The following CHIC2 variants were observed in gnomAD, a reference collection of about 807,000 sequenced individuals.
The protein encoded by CHIC2 is cysteine-rich hydrophobic domain-containing protein 2.
Under a neutral mutation model 25.9 loss-of-function variants are expected in CHIC2, and 14 were observed. The observed-to-expected ratio is 0.54, with a 90% CI of 0.36 to 0.85. CHIC2 has a LOEUF of 0.85. Among genes scored for constraint, CHIC2 ranks in the 40% least tolerant of loss-of-function variants. The probability of loss-of-function intolerance (pLI) is 0.01; values close to 1 mark genes in which losing one functional copy is unlikely to be tolerated. For missense variants in CHIC2, 146 were observed against 202.0 expected (o/e 0.72, Z 1.68); for synonymous variants, 70 against 72.0 (o/e 0.97, Z 0.14).
At chr4:54,077,190 T>C in the CHIC2 span, among the ~76,000 whole-genome samples, 1 of 152,340 alleles carries the variant, frequency 6.6e-6, no homozygotes, top group Middle Eastern at 3.4e-3. Flanking sequence ...GTAGAAGATA[T>C]GCGTTTTCAT....
chr4:54,074,523 C>A, the CHIC2 span, among the ~76,000 whole-genome samples: 1 of 151,536 alleles, frequency 6.6e-6, no homozygotes, highest in South Asian at 2.1e-4. Context: ...TAGGAAGTAC[C>A]CAGCTTCATC....
At chr4:54,055,866 T>C (rs927992445) in intron 1 of CHIC2, among the ~76,000 whole-genome samples, 1 of 152,156 alleles carries the variant, frequency 6.6e-6, no homozygotes, top group Non-Finnish European at 1.5e-5. Flanking sequence ...TGGGATCTAA[T>C]TGAAAGTATA....
chr4:54,068,224 T>C (rs948466007), upstream of CHIC2, among the ~76,000 whole-genome samples: 1 of 152,022 alleles, frequency 6.6e-6, no homozygotes, highest in African/African-American at 2.4e-5. Flanking sequence ...AATGTTTACA[T>C]CCCCCCAAAT....
chr4:54,060,984 T>C (rs1309591740), intron 1 of CHIC2: 4 of 152,124 alleles, frequency 2.6e-5, no homozygotes, highest in Non-Finnish European at 5.9e-5. Flanking sequence ...CTGCACAAGA[T>C]TTCCCCATAT....
At chr4:54,012,782 T>G (rs1715633706) in intron 5 of CHIC2, among the ~76,000 whole-genome samples, 1 of 152,156 alleles carries the variant, frequency 6.6e-6, no homozygotes, top group East Asian at 1.9e-4. Context: ...AAAATCTACA[T>G]TATTTGGTTC....
intron 3 of CHIC2, among the ~76,000 whole-genome samples, chr4:54,016,076 T>C (rs1715729393): frequency 6.6e-6 from 1 of 152,210 alleles, no homozygotes; most frequent in South Asian, 2.1e-4. Flanking sequence ...AGATTAAGAT[T>C]ACTATACAAT....
chr4:54,018,907 T>C (rs1446417070), intron 3 of CHIC2, among the ~76,000 whole-genome samples: 1 of 152,130 alleles, frequency 6.6e-6, no homozygotes, highest in African/African-American at 2.4e-5. Flanking sequence ...CTTAAATCTA[T>C]AATGCATTAA....
intron 3 of CHIC2, among the ~76,000 whole-genome samples, chr4:54,035,812 G>A (rs1716366074): frequency 6.6e-6 from 1 of 152,076 alleles, no homozygotes; most frequent in African/African-American, 2.4e-5. Flanking sequence ...TGGATTTGAG[G>A]CTTTCTAGTG....
chr4:54,049,016 C>A lies in CHIC2; in HGVS notation c.269G>T (p.Cys90Phe), dbSNP rs1282891590. The change falls in exon 3 of 6, where the codon TGC (cysteine) becomes TTC (phenylalanine). Residue 90 changes from cysteine (C) to phenylalanine (F), a missense_variant. By Grantham distance (205) the Cys-to-Phe change is radical. Transcript: ENST00000263921. ...PVNVRWLLCGCLCCCCTLGCS... is the reference protein window; with the variant it reads ...PVNVRWLLCGFLCCCCTLGCS... ...ACCTAATGTGCAGCAGCAACAAAGGCAGCCACAAAGTAGCCAACGTACATT... is the reference window on the plus strand; with the variant it reads ...ACCTAATGTGCAGCAGCAACAAAGGAAGCCACAAAGTAGCCAACGTACATT... The A allele has an allele frequency of 6.2e-7, 1 of 1,609,364 alleles. No homozygotes were observed.
chr4:54,015,061 T>G lies in CHIC2; in HGVS notation c.331-942A>C, dbSNP rs1312246587. 2.6e-5 allele frequency among the ~76,000 whole-genome samples: 4 copies of G among 152,166 alleles called. No individual in the cohort carries two copies. In the South Asian group the frequency reaches 6.2e-4, roughly 24 times the overall value. ...AGGTGAAAAACTGTTAGGATCAAGC[T>G]GGGTTTGAACAGTTTAATGTTACAT... is the stretch of plus-strand genomic sequence containing the variant. On this transcript the variant is annotated intron_variant, in intron 3 of 5. Coordinates refer to ENST00000263921, the MANE Select transcript of CHIC2 (RefSeq NM_012110.4).
upstream of CHIC2, among the ~76,000 whole-genome samples, chr4:54,066,724 C>T: frequency 6.6e-6 from 1 of 151,708 alleles, no homozygotes; most frequent in Non-Finnish European, 1.5e-5. Flanking sequence ...CTCCTCAGCT[C>T]AAGCGATCCT....
chr4:54,013,934 C>G (rs758604007), intron 4 of CHIC2, 38 bp from the exon 5 acceptor site: 1 of 1,606,020 alleles, frequency 6.2e-7, no homozygotes, highest in Non-Finnish European at 8.5e-7. Context: ...AAAATGAGCT[C>G]TATTTTATTG....
upstream of CHIC2, chr4:54,064,793 C>T (rs1321557299): frequency 2.7e-6 from 1 of 365,548 alleles, no homozygotes; most frequent in African/African-American, 2.2e-5. This position sits in a 1 kb window ranked among gnomAD's most constrained non-coding sequence, Gnocchi z 4.2. Context: ...CTTCTACCCG[C>T]AGACGGCGAC....
At chr4:54,053,822 G>A (rs1004511184) in intron 1 of CHIC2, among the ~76,000 whole-genome samples, 6 of 151,812 alleles carry the variant, frequency 4.0e-5, no homozygotes, top group African/African-American at 7.3e-5. Context: ...ACAGAGTCTC[G>A]CTTTGTTGTT....
At chr4:54,073,719 T>C in the CHIC2 span, among the ~76,000 whole-genome samples, 1 of 152,212 alleles carries the variant, frequency 6.6e-6, no homozygotes, top group Non-Finnish European at 1.5e-5. Flanking sequence ...TACCAAGTTT[T>C]GGGGCAATTG....
chr4:54,009,893 T>A lies in CHIC2; in HGVS notation c.*202A>T. 2 of 415,012 alleles carry A rather than the reference T, an allele frequency of 4.8e-6. No homozygotes were observed. The allele number at this position is 415,012 out of a possible 1,614,324, so 25.7% of individuals were successfully genotyped here. A position where few individuals can be genotyped will look rare whatever the true frequency, so the allele number is the denominator to read the frequency against. ...AGCACAATAACTTAAGTATTAAACA[T>A]CTGTATGAAATAACTGTTGCAAAGA... On this transcript the variant is annotated 3_prime_UTR_variant, in exon 6 of 6. Coordinates refer to ENST00000263921, the MANE Select transcript of CHIC2 (RefSeq NM_012110.4).
At chr4:54,023,769 C>G (rs1715976267) in intron 3 of CHIC2, among the ~76,000 whole-genome samples, 1 of 152,214 alleles carries the variant, frequency 6.6e-6, no homozygotes, top group African/African-American at 2.4e-5. Context: ...AACCTGAGCC[C>G]TCACTCTTGC....
chr4:54,016,652 T>G lies in CHIC2; in HGVS notation c.331-2533A>C, dbSNP rs576100083. 5.3e-5 allele frequency among the ~76,000 whole-genome samples: 8 copies of G among 152,246 alleles called. No individual in the cohort carries two copies. In the South Asian group the frequency reaches 1.7e-3, roughly 32 times the overall value. On this transcript the variant is annotated intron_variant, in intron 3 of 5. Transcript: ENST00000263921. ...GCACCATCTAATTTTGCTATAAGACTTCTTTCCTGCTTGACAGGTGAAAAA... is the reference window on the plus strand; with the variant it reads ...GCACCATCTAATTTTGCTATAAGACGTCTTTCCTGCTTGACAGGTGAAAAA...
chr4:54,033,100 C>A (rs1716283964), intron 3 of CHIC2, among the ~76,000 whole-genome samples: 1 of 152,206 alleles, frequency 6.6e-6, no homozygotes, highest in Non-Finnish European at 1.5e-5. Context: ...AGAAGCTGAG[C>A]AGATGCCAGT....
Sources: gnomAD v4.1 joint callset for allele counts (sites outside exome capture counted in the v4.1 genomes callset) on GRCh38, gnomAD v4.1.1 for gene constraint, Gnocchi (gnomAD v3.1) non-coding constraint, MANE v1.5 for transcripts, NCBI Gene and HGNC (gene_info 2026-07-23, HGNC 2026-07-21) for gene names.